ENAH: variants seen among roughly 807,000 people sequenced by gnomAD.
ENAH encodes protein enabled homolog.
ENAH carries 23 observed loss-of-function variants against 78.7 expected under a neutral mutation model. The ratio of observed to expected loss-of-function variants is 0.29; its 90% CI spans 0.21 to 0.41. The LOEUF (loss-of-function observed/expected upper bound fraction) is 0.41, where lower values mean the gene tolerates loss of function less well. Ranked by LOEUF, ENAH falls within the 10% of genes least tolerant of loss-of-function variation. ENAH has a pLI of 1.00. For synonymous variants in ENAH, 226 were observed against 241.0 expected (o/e 0.94, Z 0.58); for missense variants, 544 against 691.0 (o/e 0.79, Z 2.39).
rs2096811329 is a variant in ENAH at position 225,580,613 on chromosome 1, C to T, written c.6-13199G>A. Among the ~76,000 whole-genome samples, 3 of 152,128 alleles carry T rather than the reference C, an allele frequency of 2.0e-5. 1 individual carries two copies. In the South Asian group the frequency reaches 6.2e-4, roughly 32 times the overall value. On this transcript the variant is annotated intron_variant, in intron 1 of 13. Transcript: ENST00000366843. ...CCCCTTCACTCCCTCGTGCCTGACC[C>T]CAAGACCTTAAACTACTTAAGATTG...
chr1:225,516,335 T>TC (rs999327018), intron 6 of ENAH, among the ~76,000 whole-genome samples: 1 of 152,124 alleles, frequency 6.6e-6, no homozygotes, highest in African/African-American at 2.4e-5. Flanking sequence ...GTCATAATGC[T>TC]CCAAGGGTTA....
At chr1:225,529,868 T>A (rs917773427) in intron 4 of ENAH, among the ~76,000 whole-genome samples, 1 of 152,178 alleles carries the variant, frequency 6.6e-6, no homozygotes, top group Non-Finnish European at 1.5e-5. Context: ...TCCCCTGTCC[T>A]CCCCAACCCC....
chr1:225,522,493 C>A (rs372992301), intron 4 of ENAH, among the ~76,000 whole-genome samples: 4 of 152,000 alleles, frequency 2.6e-5, no homozygotes, highest in African/African-American at 9.7e-5. Flanking sequence ...GGATCTAGTA[C>A]GGACTTCATT....
At chr1:225,515,999 A>C (rs1385348137) in intron 6 of ENAH, among the ~76,000 whole-genome samples, 2 of 152,218 alleles carry the variant, frequency 1.3e-5, no homozygotes, top group Non-Finnish European at 2.9e-5. Context: ...TACAGCAATA[A>C]CAAGCCTTGC....
At chr1:225,617,364 A>G (rs996809204) in intron 1 of ENAH, among the ~76,000 whole-genome samples, 1 of 152,164 alleles carries the variant, frequency 6.6e-6, no homozygotes, top group African/African-American at 2.4e-5. Context: ...TCATACCACA[A>G]AAGACGTTCT....
chr1:225,511,952 C>A, intron 9 of ENAH, 93 bp from the exon 10 acceptor site: 1 of 714,276 alleles, frequency 1.4e-6, no homozygotes, highest in Non-Finnish European at 2.3e-6. Flanking sequence ...AATATTCTTT[C>A]TGCCACTCCC....
Position 225,637,212 on chromosome 1 carries a change from TGTTGCTTG to T in ENAH, c.5+15466_5+15473del, listed in dbSNP as rs1660218531. On this transcript the variant is annotated intron_variant, in intron 1 of 13. Transcript: ENST00000366843. ...AGATTTTTTTTTTGTTTTCTGTTGT[TGTTGCTTG>T]GTTGTGAGACAGGGTCTCACTCTGT... Among the ~76,000 whole-genome samples the T allele has an allele frequency of 2.0e-5, 3 of 152,080 alleles. No homozygotes were observed. In the South Asian group the frequency reaches 6.2e-4, roughly 32 times the overall value.
intron 1 of ENAH, among the ~76,000 whole-genome samples, chr1:225,633,374 C>A (rs1558940106): frequency 6.6e-6 from 1 of 152,060 alleles, no homozygotes; most frequent in Non-Finnish European, 1.5e-5. Flanking sequence ...GTCTTTAACA[C>A]CCCAGCCCAA....
At chr1:225,534,929 T>C (rs887188575) in intron 3 of ENAH, among the ~76,000 whole-genome samples, 1 of 152,130 alleles carries the variant, frequency 6.6e-6, no homozygotes, top group African/African-American at 2.4e-5. Flanking sequence ...CACATGTGTA[T>C]ATGAGAGTGA....
chr1:225,548,132 C>T (rs924077111), intron 3 of ENAH, among the ~76,000 whole-genome samples: 3 of 148,008 alleles, frequency 2.0e-5, no homozygotes, highest in Admixed American at 2.0e-4. Context: ...GCAGTTAAGA[C>T]AAAGCAGATG....
chr1:225,536,841 T>C (rs2096564167), intron 3 of ENAH, among the ~76,000 whole-genome samples: 1 of 152,036 alleles, frequency 6.6e-6, no homozygotes, highest in Non-Finnish European at 1.5e-5. Context: ...TGCTAAGTAC[T>C]TCCAACCACC....
chr1:225,570,642 A>C (rs2096757044), intron 1 of ENAH, among the ~76,000 whole-genome samples: 1 of 152,000 alleles, frequency 6.6e-6, no homozygotes, highest in Non-Finnish European at 1.5e-5. Context: ...TGTTTTTTTA[A>C]ATAACATTTT....
At chr1:225,632,622 T>C (rs1467615214) in intron 1 of ENAH, among the ~76,000 whole-genome samples, 1 of 152,216 alleles carries the variant, frequency 6.6e-6, no homozygotes, top group Non-Finnish European at 1.5e-5. Context: ...TAAAAGCACA[T>C]TATATTTGCA....
rs1467928040 is a variant in ENAH, at chr1:225,489,985, C to T, written c.*7790G>A. Reference sequence around the variant, plus strand: ...TAACAATAATAATAAAAAGCTTTATCTATCCTTGCTTGTATAGTGGCAAGG... The same window carrying T: ...TAACAATAATAATAAAAAGCTTTATTTATCCTTGCTTGTATAGTGGCAAGG... On this transcript the variant is annotated 3_prime_UTR_variant, in exon 14 of 14. Transcript: ENST00000366843. 1 of 152,026 alleles carries T rather than the reference C, an allele frequency of 6.6e-6. No individual in the cohort carries two copies. Among genetic ancestry groups the T allele is most frequent in the African/African-American group, 2.4e-5 (1 of 41,352 alleles). 9.4% of individuals were successfully genotyped at this position (152,026 alleles called of 1,614,324 possible).
intron 10 of ENAH, 61 bp downstream of exon 10, chr1:225,511,750 C>T (rs1442707901): frequency 4.6e-5 from 56 of 1,225,490 alleles, no homozygotes; most frequent in Non-Finnish European, 6.1e-5. Context: ...GAATTTTTAA[C>T]TGGGGAGTAT....
chr1:225,540,404 T>C (rs2096583525), intron 3 of ENAH, among the ~76,000 whole-genome samples: 1 of 152,154 alleles, frequency 6.6e-6, no homozygotes, highest in African/African-American at 2.4e-5. Flanking sequence ...AAAAAGACTT[T>C]CAAAGACCAT....
At chr1:225,597,722 T>C (rs549583630) in intron 1 of ENAH, among the ~76,000 whole-genome samples, 4 of 149,954 alleles carry the variant, frequency 2.7e-5, no homozygotes, top group Non-Finnish European at 5.9e-5. Flanking sequence ...CCATGTGAAT[T>C]GAATCCTGGG....
At chr1:225,574,420 G>A (rs1217598426) in intron 1 of ENAH, among the ~76,000 whole-genome samples, 1 of 152,022 alleles carries the variant, frequency 6.6e-6, no homozygotes, top group Non-Finnish European at 1.5e-5. Flanking sequence ...GGCCAACATG[G>A]CAAAATCCCA....
At chr1:225,606,131 C>A (rs560736700) in intron 1 of ENAH, among the ~76,000 whole-genome samples, 1 of 151,898 alleles carries the variant, frequency 6.6e-6, no homozygotes, top group Admixed American at 6.6e-5. Flanking sequence ...TATATTAGAC[C>A]ATTAAAAAAA....
Sources: gnomAD v4.1 joint callset for allele counts (sites outside exome capture counted in the v4.1 genomes callset) on GRCh38, gnomAD v4.1.1 for gene constraint, MANE v1.5 for transcripts, NCBI Gene and HGNC (gene_info 2026-07-23, HGNC 2026-07-21) for gene names.